ADAMTS9: variants seen among roughly 807,000 people sequenced by gnomAD.
The protein encoded by ADAMTS9 is ADAM metallopeptidase with thrombospondin type 1 motif 9.
A neutral mutation model predicts 257.1 loss-of-function variants in ADAMTS9; 107 were observed. The ratio of observed to expected loss-of-function variants is 0.42; its 90% confidence interval spans 0.36 to 0.49. ADAMTS9 has a LOEUF of 0.49. Ranked by LOEUF, ADAMTS9 falls within the 20% of genes least tolerant of loss-of-function variation. The pLI, the probability that ADAMTS9 is intolerant of heterozygous loss-of-function variation, is 0.03. For synonymous variants in ADAMTS9, 982 were observed against 880.9 expected (o/e 1.11, Z -2.03); for missense variants, 2,353 against 2,469.1 (o/e 0.95, Z 1.00).
chr3:64,530,149 G>A (rs1237594332), intron 38 of ADAMTS9, among the ~76,000 whole-genome samples: 3 of 151,950 alleles, frequency 2.0e-5, no homozygotes, highest in African/African-American at 7.3e-5. Context: ...CACAAGCCCT[G>A]CAGGTGATGG....
intron 21 of ADAMTS9, 66 bp from the exon 22 acceptor site, chr3:64,613,575 T>G (rs1447769097): frequency 1.3e-5 from 20 of 1,507,924 alleles, no homozygotes; most frequent in East Asian, 4.7e-5. Context: ...CTGGGGTTAT[T>G]TATTGATGAG....
At chr3:64,595,228 C>G (rs1195859230) in intron 27 of ADAMTS9, among the ~76,000 whole-genome samples, 1 of 152,192 alleles carries the variant, frequency 6.6e-6, no homozygotes, top group Non-Finnish European at 1.5e-5. Flanking sequence ...CCCTTTATGA[C>G]ACTAACCTAT....
chr3:64,524,600 C>G (rs891140655), intron 38 of ADAMTS9, among the ~76,000 whole-genome samples: 1 of 152,202 alleles, frequency 6.6e-6, no homozygotes, highest in Non-Finnish European at 1.5e-5. Flanking sequence ...AAAAGCTATA[C>G]TCAGTTATTA....
At chr3:64,547,383 T>C (rs1340355789) in intron 31 of ADAMTS9, among the ~76,000 whole-genome samples, 1 of 151,900 alleles carries the variant, frequency 6.6e-6, no homozygotes, top group African/African-American at 2.4e-5. Flanking sequence ...AGTCGGCATT[T>C]TGAGTGTGAA....
intron 12 of ADAMTS9, among the ~76,000 whole-genome samples, chr3:64,634,311 C>T (rs1171060266): frequency 2.0e-5 from 3 of 152,138 alleles, no homozygotes; most frequent in African/African-American, 7.2e-5. Flanking sequence ...CCCTATCTTC[C>T]TTTTGTACCT....
intron 23 of ADAMTS9, 22 bp downstream of exon 23, chr3:64,606,938 G>A: frequency 6.2e-7 from 1 of 1,612,934 alleles, no homozygotes; most frequent in Middle Eastern, 1.7e-4. Context: ...GTCAATAACT[G>A]AGTTGGACAA....
At chr3:64,671,295 AG>A (rs1196278665) in intron 3 of ADAMTS9, among the ~76,000 whole-genome samples, 1 of 152,204 alleles carries the variant, frequency 6.6e-6, no homozygotes, top group Non-Finnish European at 1.5e-5. Context: ...GCAAAACTAT[AG>A]AGACAGAAAA....
chr3:64,614,573 TC>T (rs1163980088), intron 21 of ADAMTS9, among the ~76,000 whole-genome samples: 2 of 152,238 alleles, frequency 1.3e-5, no homozygotes, highest in Non-Finnish European at 2.9e-5. Flanking sequence ...AACTTCTGTT[TC>T]GTATTTCTTA....
intron 37 of ADAMTS9, among the ~76,000 whole-genome samples, chr3:64,535,552 C>CTTTTTT (rs57945713): frequency 5.9e-5 from 5 of 84,652 alleles, no homozygotes; most frequent in African/African-American, 1.6e-4. Flanking sequence ...CTTTTCTTTT[C>CTTTTTT]TTTTTTTTTT....
intron 27 of ADAMTS9, among the ~76,000 whole-genome samples, chr3:64,595,201 T>C (rs2084341700): frequency 1.3e-5 from 2 of 152,238 alleles, no homozygotes; most frequent in African/African-American, 4.8e-5. Context: ...GGCTGTTCTC[T>C]GACTCCGTCT....
At chr3:64,597,799 T>G (rs990836731) in intron 26 of ADAMTS9, among the ~76,000 whole-genome samples, 1 of 152,208 alleles carries the variant, frequency 6.6e-6, no homozygotes, top group Non-Finnish European at 1.5e-5. Flanking sequence ...CTTCTTTATC[T>G]TTTTAAACCC....
chr3:64,655,143 C>T (rs749660910), intron 6 of ADAMTS9, among the ~76,000 whole-genome samples: 1 of 152,220 alleles, frequency 6.6e-6, no homozygotes, highest in Admixed American at 6.5e-5. Flanking sequence ...TGCAAAATCA[C>T]AAAAGCTGGC....
chr3:64,668,855 G>A (rs970151886), intron 3 of ADAMTS9, among the ~76,000 whole-genome samples: 2 of 152,268 alleles, frequency 1.3e-5, no homozygotes, highest in Admixed American at 6.5e-5. Flanking sequence ...AGATTAAAGC[G>A]CAGTTGGGCT....
Position 64,615,985 on chromosome 3 carries a change from C to A in ADAMTS9, c.2999G>T (p.Gly1000Val). 1 of 1,613,494 alleles carries A rather than the reference C, an allele frequency of 6.2e-7. No homozygotes were observed. The highest frequency in any genetic ancestry group is 8.5e-7 in the Non-Finnish European group (1 of 1,179,970). ...EKCSGECNTG[G>V]WRYSAWTECS... ...TTCAGTCCAGGCAGAATAGCGCCAG[C>A]CACCCGTGTTACATTCCCCTGAGCA... Residue 1000 changes from glycine (G) to valine (V), a missense_variant, in exon 20 of 40, where the codon GGC becomes GTC. Around this residue, in one of 3 missense-constraint regions of ADAMTS9, gnomAD observed 1,402 missense variants for 1,441.4 expected, o/e 0.97. Transcript: ENST00000498707.
intron 29 of ADAMTS9, among the ~76,000 whole-genome samples, chr3:64,562,126 TGAAA>T (rs2083437826): frequency 6.6e-6 from 1 of 152,206 alleles, no homozygotes; most frequent in Non-Finnish European, 1.5e-5. Context: ...TTGAGACTCA[TGAAA>T]ACTGGAGAGA....
chr3:64,519,480 GC>G (rs2082822858), intron 39 of ADAMTS9, among the ~76,000 whole-genome samples: 1 of 151,826 alleles, frequency 6.6e-6, no homozygotes, highest in Non-Finnish European at 1.5e-5. Context: ...CCAATACCTG[GC>G]AAAAACACAA....
At chr3:64,526,379 T>C (rs1483067660) in intron 38 of ADAMTS9, among the ~76,000 whole-genome samples, 3 of 152,010 alleles carry the variant, frequency 2.0e-5, no homozygotes, top group Non-Finnish European at 4.4e-5. Context: ...TAGGATAAAA[T>C]AGTTTCTCTT....
At position 64,655,701 on chromosome 3, in the gene ADAMTS9, GAGA is replaced by G. The variant is rs773674298; in HGVS notation, c.1054-13_1054-11del. On this transcript the variant is annotated splice_polypyrimidine_tract_variant and intron_variant, in intron 5 of 39. Coordinates refer to ENST00000498707, the MANE Select transcript of ADAMTS9 (RefSeq NM_182920.2). Reference sequence around the variant, plus strand: ...ATATGGAAGGCCCATCCTAAATACAGAGAAGAATTATGGTTAATCTGTTGTACC... The same window carrying G: ...ATATGGAAGGCCCATCCTAAATACAGAGAATTATGGTTAATCTGTTGTACC... 61 of 1,610,150 alleles carry G rather than the reference GAGA, an allele frequency of 3.8e-5. No homozygotes were observed. The highest frequency in any genetic ancestry group is 5.0e-5 in the Non-Finnish European group (59 of 1,176,526).
At chr3:64,541,442 A>C (rs1277717791) in intron 34 of ADAMTS9, 28 bp from the exon 35 acceptor site, 1 of 1,612,220 alleles carries the variant, frequency 6.2e-7, no homozygotes, top group African/African-American at 1.3e-5. Context: ...ACCCATGAAG[A>C]GTGGCTCAGA....
Sources: gnomAD v4.1 joint callset for allele counts (sites outside exome capture counted in the v4.1 genomes callset) on GRCh38, gnomAD v4.1.1 for gene constraint, gnomAD v4.1.1 regional missense constraint, MANE v1.5 for transcripts, NCBI Gene and HGNC (gene_info 2026-07-23, HGNC 2026-07-21) for gene names.